Variants in VKORC1L1 observed in about 807,000 individuals in gnomAD.
The protein encoded by VKORC1L1 is vitamin K epoxide reductase complex subunit 1-like protein 1.
Under a neutral mutation model 18.9 loss-of-function variants are expected in VKORC1L1, and 2 were observed. That is an observed-to-expected ratio of 0.11 (90% confidence interval 0.04 to 0.33). The LOEUF (loss-of-function observed/expected upper bound fraction) is 0.33, where lower values mean the gene tolerates loss of function less well. Among genes scored for constraint, VKORC1L1 ranks in the 10% least tolerant of loss-of-function variants. VKORC1L1 has a pLI of 1.00. For missense variants in VKORC1L1, 123 were observed against 224.1 expected (o/e 0.55, Z 2.88); for synonymous variants, 96 against 100.0 (o/e 0.96, Z 0.24).
intron 2 of VKORC1L1, among the ~76,000 whole-genome samples, chr7:65,949,053 T>A (rs537457576): frequency 6.6e-6 from 1 of 152,320 alleles, no homozygotes; most frequent in South Asian, 2.1e-4. Flanking sequence ...TCTTCCCTGT[T>A]AACGTTTTTC....
chr7:65,867,197 A>G, the VKORC1L1 span, among the ~76,000 whole-genome samples: 2 of 151,974 alleles, frequency 1.3e-5, no homozygotes, highest in Admixed American at 1.3e-4. Context: ...AAAAAAAGAA[A>G]GAAGAAGGAG....
chr7:65,900,988 A>T (rs1192899611), intron 1 of VKORC1L1, among the ~76,000 whole-genome samples: 1 of 152,252 alleles, frequency 6.6e-6, no homozygotes, highest in East Asian at 1.9e-4. Context: ...CACAGGTGAG[A>T]TCCTACACAG....
intron 1 of VKORC1L1, among the ~76,000 whole-genome samples, chr7:65,945,096 A>G (rs1160516716): frequency 6.6e-6 from 1 of 151,712 alleles, no homozygotes; most frequent in Non-Finnish European, 1.5e-5. Context: ...CCCCATCTCT[A>G]CTGAAAATAC....
intron 1 of VKORC1L1, among the ~76,000 whole-genome samples, chr7:65,915,093 C>CTTTTTTTTTTT (rs35662337): frequency 5.6e-4 from 69 of 123,494 alleles, no homozygotes; most frequent in Middle Eastern, 7.6e-3. Context: ...TTTTTTTTTT[C>CTTTTTTTTTTT]TTTTTTTTTT....
intron 1 of VKORC1L1, among the ~76,000 whole-genome samples, chr7:65,912,348 C>A (rs909541890): frequency 6.6e-6 from 1 of 152,168 alleles, no homozygotes; most frequent in Non-Finnish European, 1.5e-5. Flanking sequence ...AGGAAGCCAC[C>A]AGGAACCATA....
At chr7:65,900,065 GTGTGTGTGTGTGTGTGTGTGTGTA>G (rs889523706) in intron 1 of VKORC1L1, among the ~76,000 whole-genome samples, 8 of 72,486 alleles carry the variant, frequency 1.1e-4, no homozygotes, top group Non-Finnish European at 2.4e-4. Context: ...GTGTGTGTGT[GTGTGTGTGTGTGTGTGTGTGTGTA>G]TTGAAAATAC....
intron 1 of VKORC1L1, among the ~76,000 whole-genome samples, chr7:65,942,844 A>G (rs888321739): frequency 7.0e-4 from 107 of 152,148 alleles, no homozygotes; most frequent in African/African-American, 2.5e-3. Context: ...TGATGTCTGG[A>G]CCGTGCAACT....
In VKORC1L1 at chr7:65,927,946, A is replaced by G. The variant is rs1039838829; in HGVS notation, c.195-20725A>G. Among the ~76,000 whole-genome samples, 3 of 152,144 alleles carry G rather than the reference A, an allele frequency of 2.0e-5. No homozygotes were observed. In the East Asian group the frequency reaches 5.8e-4, roughly 29 times the overall value. The stretch of plus-strand genomic sequence containing the variant: ...GCGCCTGGCTGCTGGGTGAAAGGGG[A>G]GGCAGGAAGGAGGAGGGAGCGGTGT... On this transcript the variant is annotated intron_variant, in intron 1 of 2. Coordinates refer to ENST00000360768, the MANE Select transcript of VKORC1L1 (RefSeq NM_173517.6).
intron 1 of VKORC1L1, among the ~76,000 whole-genome samples, chr7:65,944,177 G>A (rs1790080702): frequency 6.6e-6 from 1 of 152,040 alleles, no homozygotes; most frequent in Non-Finnish European, 1.5e-5. Context: ...GACCAGCCTG[G>A]GCAACATGAT....
rs894205052 is a variant in VKORC1L1, at chr7:65,920,376, A to G, written c.195-28295A>G. On this transcript the variant is annotated intron_variant, in intron 1 of 2. Transcript: ENST00000360768. The stretch of plus-strand genomic sequence containing the variant: ...CTGGGCACTCAATAAGTATTTTTTA[A>G]ATAAATGTTTGGGTCTCTCCCACCT... Among the ~76,000 whole-genome samples, 7 of 152,218 alleles carry G rather than the reference A, an allele frequency of 4.6e-5. No individual in the cohort carries two copies. The East Asian group carries it at 1.2e-3, about 25-fold the overall frequency.
At chr7:65,885,652 A>G (rs1788999190) in intron 1 of VKORC1L1, among the ~76,000 whole-genome samples, 2 of 151,958 alleles carry the variant, frequency 1.3e-5, no homozygotes, top group South Asian at 2.1e-4. Flanking sequence ...CTCTCAGTTC[A>G]TTGACTTGTT....
chr7:65,929,255 CA>C (rs1238190927), intron 1 of VKORC1L1, among the ~76,000 whole-genome samples: 1 of 151,384 alleles, frequency 6.6e-6, no homozygotes, highest in African/African-American at 2.4e-5. Context: ...CTAGAAATAC[CA>C]AAAAAAATTA....
At chr7:65,944,053 C>G (rs1045205284) in intron 1 of VKORC1L1, among the ~76,000 whole-genome samples, 1 of 152,014 alleles carries the variant, frequency 6.6e-6, no homozygotes, top group African/African-American at 2.4e-5. Flanking sequence ...CTTCAGTGGG[C>G]GGATCACTTG....
intron 1 of VKORC1L1, among the ~76,000 whole-genome samples, chr7:65,915,380 C>T (rs764777258): frequency 4.0e-5 from 6 of 151,438 alleles, no homozygotes; most frequent in African/African-American, 9.7e-5. Flanking sequence ...CATGAGCCAC[C>T]GCGCCCAGCC....
At chr7:65,908,607 G>A (rs1187304815) in intron 1 of VKORC1L1, among the ~76,000 whole-genome samples, 1 of 152,116 alleles carries the variant, frequency 6.6e-6, no homozygotes, top group Non-Finnish European at 1.5e-5. Flanking sequence ...GGAGGTCAAG[G>A]CAGGTGGATC....
chr7:65,934,797 G>A (rs1373962602), intron 1 of VKORC1L1, among the ~76,000 whole-genome samples: 5 of 152,178 alleles, frequency 3.3e-5, no homozygotes, highest in African/African-American at 9.7e-5. Flanking sequence ...GCTCATGCCT[G>A]TGGTCTCAGC....
At chr7:65,915,222 G>A (rs937762159) in intron 1 of VKORC1L1, among the ~76,000 whole-genome samples, 1 of 150,678 alleles carries the variant, frequency 6.6e-6, no homozygotes, top group Non-Finnish European at 1.5e-5. Context: ...CTCCCGAGTA[G>A]CTGGGACTAC....
chr7:65,869,640 CTTTTTTTTTT>C (rs1226951533), upstream of VKORC1L1, among the ~76,000 whole-genome samples: 3 of 77,284 alleles, frequency 3.9e-5, no homozygotes, highest in Admixed American at 1.7e-4. Flanking sequence ...CGATTTCATT[CTTTTTTTTTT>C]TTTTTTTTTT....
At chr7:65,935,070 A>AGG (rs1789918921) in intron 1 of VKORC1L1, among the ~76,000 whole-genome samples, 1 of 150,120 alleles carries the variant, frequency 6.7e-6, no homozygotes, top group Admixed American at 6.6e-5. Flanking sequence ...AAAAAAAAAA[A>AGG]GGGGGTCTAT....
Sources: allele counts gnomAD v4.1 joint callset (sites outside exome capture counted in the v4.1 genomes callset), GRCh38; gene constraint gnomAD v4.1.1; transcripts MANE v1.5; gene names NCBI Gene and HGNC (gene_info 2026-07-23, HGNC 2026-07-21).